The following FGL1 variants were observed in gnomAD, a reference collection of about 807,000 sequenced individuals.
FGL1 encodes fibrinogen like 1.
FGL1 carries 59 observed loss-of-function variants against 43.7 expected under a neutral mutation model. The ratio of observed to expected loss-of-function variants is 1.35; its 90% CI spans 1.10 to 1.68. The LOEUF (loss-of-function observed/expected upper bound fraction) is 1.68. Ranked by LOEUF, FGL1 falls within the 40% of genes most tolerant of loss-of-function variation. The probability of loss-of-function intolerance (pLI) is 0.00; values close to 1 mark genes in which losing one functional copy is unlikely to be tolerated. For missense variants in FGL1, 596 were observed against 373.0 expected (o/e 1.60, Z -4.92); for synonymous variants, 192 against 126.5 (o/e 1.52, Z -3.48).
intron 1 of FGL1, among the ~76,000 whole-genome samples, chr8:17,888,447 C>CA (rs1344728448): frequency 6.6e-6 from 1 of 152,246 alleles, no homozygotes; most frequent in East Asian, 1.9e-4. Context: ...TCATCATTTG[C>CA]AATGCAGTAG....
chr8:17,868,504 G>A (rs946194265), intron 7 of FGL1, 44 bp downstream of exon 7: 4 of 1,447,406 alleles, frequency 2.8e-6, no homozygotes, highest in Non-Finnish European at 2.8e-6. Flanking sequence ...CTATCAGTGA[G>A]ATATCATCAA....
rs1373825852 is a variant in FGL1, at chr8:17,874,453, G to C, written c.313C>G (p.Pro105Ala). ...TCACAATAAACAGAAAATTCTGCTGGGCTCTGGAGAGGTTTGATTTTGTAA... is the reference window on the plus strand; with the variant it reads ...TCACAATAAACAGAAAATTCTGCTGCGCTCTGGAGAGGTTTGATTTTGTAA... Reference protein sequence around the residue: ...GFYKIKPLQSPAEFSVYCDMS... With the variant: ...GFYKIKPLQSAAEFSVYCDMS... The change falls in exon 4 of 8, where the codon CCA becomes GCA. Residue 105 changes from proline (P) to alanine (A), a missense_variant. Pro to Ala is a conservative substitution (Grantham distance 27). Transcript: ENST00000427924. The C allele has an allele frequency of 6.2e-7, 1 of 1,613,996 alleles. No homozygotes were observed. Among genetic ancestry groups the C allele is most frequent in the Admixed American group, 1.7e-5 (1 of 60,012 alleles).
At position 17,868,634 on chromosome 8, in the gene FGL1, T is replaced by A; in HGVS notation, c.693A>T (p.Arg231Ser). The stretch of plus-strand genomic sequence containing the variant: ...CTCTGTCCCACGTGCTGAATTTCAT[T>A]CTTTGGTGACTAGCCCACCACTGCA... The part of the protein sequence containing the change: ...PEVQWWASHQ[R>S]MKFSTWDRDH... Residue 231 changes from arginine to serine, a missense_variant, in exon 7 of 8, where the codon AGA becomes AGT. By Grantham distance (110) the Arg-to-Ser change is moderately radical. Coordinates refer to ENST00000427924, the MANE Select transcript of FGL1 (RefSeq NM_004467.4). 6.2e-7 allele frequency: 1 copy of A among 1,614,148 alleles called. No homozygotes were observed.
chr8:17,874,751 A>C (rs765916653), intron 3 of FGL1: 8 of 338,578 alleles, frequency 2.4e-5, no homozygotes, highest in Non-Finnish European at 4.2e-5. Context: ...CGAGGAAAAA[A>C]GGGGAGTGAA....
chr8:17,894,000 T>C (rs2053742301), intron 1 of FGL1, among the ~76,000 whole-genome samples: 1 of 147,162 alleles, frequency 6.8e-6, no homozygotes, highest in Non-Finnish European at 1.5e-5. Flanking sequence ...GTGGACTATA[T>C]TATTTTACAT....
At chr8:17,885,276 C>G (rs1373759096) in intron 2 of FGL1, among the ~76,000 whole-genome samples, 1 of 152,084 alleles carries the variant, frequency 6.6e-6, no homozygotes, top group Non-Finnish European at 1.5e-5. Flanking sequence ...AACTCCTGAC[C>G]TTGTGATCCA....
chr8:17,885,603 T>C, intron 1 of FGL1, 32 bp from the exon 2 acceptor site: 1 of 1,591,348 alleles, frequency 6.3e-7, no homozygotes, highest in South Asian at 1.1e-5. Context: ...TATAAATGTA[T>C]CAACCTTGAA....
intron 5 of FGL1, among the ~76,000 whole-genome samples, chr8:17,871,019 C>T (rs997121325): frequency 2.0e-5 from 3 of 151,840 alleles, no homozygotes; most frequent in African/African-American, 7.3e-5. Flanking sequence ...GCAGGGAATG[C>T]TGGATTCCTC....
intron 5 of FGL1, among the ~76,000 whole-genome samples, chr8:17,873,045 G>C (rs1228970771): frequency 6.6e-6 from 1 of 152,156 alleles, no homozygotes; most frequent in Non-Finnish European, 1.5e-5. Flanking sequence ...CAGCATTAAA[G>C]ATGAGATGTA....
intron 3 of FGL1, among the ~76,000 whole-genome samples, chr8:17,880,713 G>C (rs1394342978): frequency 6.6e-6 from 1 of 152,164 alleles, no homozygotes; most frequent in Non-Finnish European, 1.5e-5. Flanking sequence ...TGCTAGAATA[G>C]ACATATGGAC....
chr8:17,890,665 G>C (rs931855102), intron 1 of FGL1, among the ~76,000 whole-genome samples: 2 of 152,116 alleles, frequency 1.3e-5, no homozygotes, highest in Admixed American at 1.3e-4. Context: ...GCCTGAGACT[G>C]GGTAATTTAT....
At chr8:17,868,180 G>T (rs553117661) in intron 7 of FGL1, among the ~76,000 whole-genome samples, 2 of 152,150 alleles carry the variant, frequency 1.3e-5, no homozygotes, top group Non-Finnish European at 2.9e-5. Context: ...TGGCTCTTTT[G>T]TGTGATATGG....
intron 1 of FGL1, among the ~76,000 whole-genome samples, chr8:17,888,588 G>A (rs2053662155): frequency 6.6e-6 from 1 of 152,088 alleles, no homozygotes; most frequent in African/African-American, 2.4e-5. Context: ...CGATCCTGGG[G>A]GTAGTTTCAT....
intron 5 of FGL1, among the ~76,000 whole-genome samples, chr8:17,872,350 T>A (rs1246959564): frequency 7.3e-6 from 1 of 137,140 alleles, no homozygotes; most frequent in Non-Finnish European, 1.6e-5. Flanking sequence ...TCACCCAGGC[T>A]GGAGTGGATT....
intron 1 of FGL1, among the ~76,000 whole-genome samples, chr8:17,886,579 G>C (rs571989971): frequency 7.2e-5 from 11 of 152,104 alleles, no homozygotes; most frequent in African/African-American, 2.7e-4. Context: ...TCAACATGGC[G>C]AAACCCTGTC....
rs1314798071 is a variant in FGL1, at chr8:17,875,535, CTCTTTCTTTCTTTCTT to C, written c.245-1030_245-1015del. Reference sequence around the variant, plus strand: ...TCTTTCTTTCTTTCTTTCTTTCTTTCTCTTTCTTTCTTTCTTTCTTTCTTTCTTTCTTTCTTTCTTT... The same window carrying C: ...TCTTTCTTTCTTTCTTTCTTTCTTTCTCTTTCTTTCTTTCTTTCTTTCTTT... On this transcript the variant is annotated intron_variant, in intron 3 of 7. Transcript: ENST00000427924. Among the ~76,000 whole-genome samples, 180 of 25,194 alleles carry C rather than the reference CTCTTTCTTTCTTTCTT, an allele frequency of 7.1e-3. 1 individual carries two copies. The highest frequency in any genetic ancestry group is 0.012 in the South Asian group (11 of 926). The allele number at this position is 25,194 out of a possible 152,430, so 16.5% of individuals were successfully genotyped here. A position where few individuals can be genotyped will look rare whatever the true frequency, so the allele number is the denominator to read the frequency against.
intron 1 of FGL1, among the ~76,000 whole-genome samples, chr8:17,894,634 T>C (rs1197708657): frequency 6.8e-6 from 1 of 146,644 alleles, no homozygotes; most frequent in African/African-American, 2.7e-5. Flanking sequence ...CAAACTCCCA[T>C]GCAATTCATT....
intron 5 of FGL1, among the ~76,000 whole-genome samples, chr8:17,869,210 A>G (rs1055339694): frequency 1.3e-5 from 2 of 152,342 alleles, no homozygotes; most frequent in African/African-American, 4.8e-5. Context: ...TGATGGATAC[A>G]ATATTAAATT....
intron 3 of FGL1, among the ~76,000 whole-genome samples, chr8:17,880,129 A>G (rs2053513307): frequency 1.3e-5 from 2 of 152,148 alleles, no homozygotes; most frequent in Admixed American, 6.5e-5. Context: ...GGCACTGGCC[A>G]TCTTCAGGCT....
Sources: allele counts gnomAD v4.1 joint callset (sites outside exome capture counted in the v4.1 genomes callset), GRCh38; gene constraint gnomAD v4.1.1; transcripts MANE v1.5; gene names NCBI Gene and HGNC (gene_info 2026-07-23, HGNC 2026-07-21).